KCNH7: variants seen among roughly 807,000 people sequenced by gnomAD.
The protein encoded by KCNH7 is potassium voltage-gated channel subfamily H member 7.
KCNH7 carries 49 observed loss-of-function variants against 120.8 expected under a neutral mutation model. That is an observed-to-expected ratio of 0.41 (90% CI 0.32 to 0.51). The LOEUF (loss-of-function observed/expected upper bound fraction) is 0.51, where lower values mean the gene tolerates loss of function less well. KCNH7 is among the 20% of genes least tolerant of loss of function. KCNH7 has a pLI of 0.38. For synonymous variants in KCNH7, 547 were observed against 516.1 expected (o/e 1.06, Z -0.81); for missense variants, 1,097 against 1,446.6 (o/e 0.76, Z 3.92).
intron 2 of KCNH7, among the ~76,000 whole-genome samples, chr2:162,546,059 C>T (rs1225987413): frequency 6.6e-6 from 1 of 152,170 alleles, no homozygotes; most frequent in African/African-American, 2.4e-5. Flanking sequence ...TGATTTAAAT[C>T]AGGAAGAACT....
At chr2:162,419,024 CCTTT>C (rs531599831) in intron 9 of KCNH7, among the ~76,000 whole-genome samples, 57 of 151,908 alleles carry the variant, frequency 3.8e-4, no homozygotes, top group African/African-American at 1.3e-3. Flanking sequence ...TGCACTTCCT[CCTTT>C]ATCAGGATTC....
intron 2 of KCNH7, among the ~76,000 whole-genome samples, chr2:162,696,254 G>A (rs1225122616): frequency 6.6e-6 from 1 of 152,114 alleles, no homozygotes; most frequent in African/African-American, 2.4e-5. Flanking sequence ...GTAAATGGCG[G>A]ATAGAACTGG....
chr2:162,734,616 T>C (rs1338209870), intron 2 of KCNH7, among the ~76,000 whole-genome samples: 2 of 152,128 alleles, frequency 1.3e-5, no homozygotes, highest in Non-Finnish European at 2.9e-5. Flanking sequence ...TTGCCTTAGG[T>C]ACAGATTTTT....
At chr2:162,694,077 A>G (rs901156263) in intron 2 of KCNH7, among the ~76,000 whole-genome samples, 1 of 152,212 alleles carries the variant, frequency 6.6e-6, no homozygotes, top group East Asian at 1.9e-4. Context: ...AAGTATCTAC[A>G]TATTTTAATG....
At chr2:162,810,619 A>G (rs13397120) in intron 2 of KCNH7, among the ~76,000 whole-genome samples, 1 of 152,318 alleles carries the variant, frequency 6.6e-6, no homozygotes, top group Middle Eastern at 3.4e-3. Context: ...ACCTTATGCC[A>G]TCTAACTGAT....
intron 2 of KCNH7, among the ~76,000 whole-genome samples, chr2:162,654,313 C>T (rs1164313407): frequency 6.6e-6 from 1 of 150,930 alleles, no homozygotes; most frequent in Non-Finnish European, 1.5e-5. Flanking sequence ...AATAAATAAT[C>T]CAATCATTTC....
intron 6 of KCNH7, among the ~76,000 whole-genome samples, chr2:162,495,902 C>A (rs1468835366): frequency 6.6e-6 from 1 of 152,112 alleles, no homozygotes; most frequent in Non-Finnish European, 1.5e-5. Context: ...CCCCATGCAT[C>A]CAAATCTTAG....
intron 12 of KCNH7, among the ~76,000 whole-genome samples, chr2:162,392,333 A>T (rs1309751819): frequency 6.6e-6 from 1 of 151,682 alleles, no homozygotes; most frequent in Non-Finnish European, 1.5e-5. Context: ...CAAGGAAGCA[A>T]ATTAATTAAG....
chr2:162,499,081 C>G (rs76456110), intron 6 of KCNH7, among the ~76,000 whole-genome samples: 2,317 of 152,164 alleles, frequency 0.015, 58 homozygotes, highest in African/African-American at 0.053. Flanking sequence ...GATACTCATA[C>G]TTATCCAGGG....
intron 6 of KCNH7, among the ~76,000 whole-genome samples, chr2:162,481,517 T>G (rs1689928463): frequency 6.6e-6 from 1 of 152,156 alleles, no homozygotes. Context: ...CAGTTCAGGA[T>G]GGTCTTATCT....
chr2:162,769,272 G>C (rs759113516), intron 2 of KCNH7, among the ~76,000 whole-genome samples: 2 of 152,094 alleles, frequency 1.3e-5, no homozygotes, highest in Non-Finnish European at 2.9e-5. Context: ...CACACAAATT[G>C]TATTGCAAGC....
chr2:162,801,719 G>A (rs1400825812), intron 2 of KCNH7, among the ~76,000 whole-genome samples: 1 of 151,676 alleles, frequency 6.6e-6, no homozygotes, highest in Non-Finnish European at 1.5e-5. Context: ...ATTTGAGAAT[G>A]CTAAGCAATA....
intron 2 of KCNH7, among the ~76,000 whole-genome samples, chr2:162,628,417 G>A (rs987054938): frequency 7.2e-5 from 11 of 152,104 alleles, no homozygotes; most frequent in African/African-American, 2.4e-4. Context: ...GGTGAGGAAT[G>A]CTCATCTTCT....
chr2:162,558,924 A>C (rs545554116), intron 2 of KCNH7, among the ~76,000 whole-genome samples: 1 of 151,424 alleles, frequency 6.6e-6, no homozygotes, highest in Non-Finnish European at 1.5e-5. Context: ...GCGTTGTGGC[A>C]GGCGCCTGTA....
At chr2:162,514,192 G>A (rs555905059) in intron 4 of KCNH7, among the ~76,000 whole-genome samples, 7 of 151,830 alleles carry the variant, frequency 4.6e-5, no homozygotes, top group East Asian at 2.0e-4. Context: ...TGAATTGCTC[G>A]TAGACATTGC....
chr2:162,733,136 C>T (rs527814422), intron 2 of KCNH7, among the ~76,000 whole-genome samples: 2 of 152,062 alleles, frequency 1.3e-5, no homozygotes, highest in Non-Finnish European at 2.9e-5. Flanking sequence ...AGCTATGAAT[C>T]GACAATCATC....
chr2:162,422,532 G>A (rs1477571735), intron 9 of KCNH7, among the ~76,000 whole-genome samples: 1 of 151,962 alleles, frequency 6.6e-6, no homozygotes, highest in Non-Finnish European at 1.5e-5. Context: ...TGGATTTGTT[G>A]TATAATTTAT....
At chr2:162,511,089 G>A (rs888764769) in intron 5 of KCNH7, among the ~76,000 whole-genome samples, 6 of 151,560 alleles carry the variant, frequency 4.0e-5, no homozygotes, top group Non-Finnish European at 7.4e-5. Context: ...TGAAATCTAT[G>A]TAATAAATAA....
At chr2:162,814,342 T>C (rs149582611) in intron 2 of KCNH7, among the ~76,000 whole-genome samples, 1 of 152,190 alleles carries the variant, frequency 6.6e-6, no homozygotes, top group South Asian at 2.1e-4. Flanking sequence ...TTAGATAATA[T>C]TGTTTTCAAT....
Sources: allele counts gnomAD v4.1 joint callset (sites outside exome capture counted in the v4.1 genomes callset), GRCh38; gene constraint gnomAD v4.1.1; transcripts MANE v1.5; gene names NCBI Gene and HGNC (gene_info 2026-07-23, HGNC 2026-07-21).